Variants in TRPA1 observed in about 807,000 individuals in gnomAD.
The protein encoded by TRPA1 is ankyrin-like with transmembrane domains 1.
TRPA1 carries 129 observed loss-of-function variants against 131.3 expected under a neutral mutation model. The ratio of observed to expected loss-of-function variants is 0.98; its 90% CI spans 0.85 to 1.14. The LOEUF is 1.14. TRPA1 is among the 50% of genes most tolerant of loss of function. TRPA1 has a pLI of 0.00. For synonymous variants in TRPA1, 441 were observed against 451.7 expected (o/e 0.98, Z 0.30); for missense variants, 1,304 against 1,354.2 (o/e 0.96, Z 0.58).
chr8:72,043,017 C>T (rs1166721645), intron 17 of TRPA1, among the ~76,000 whole-genome samples: 1 of 151,860 alleles, frequency 6.6e-6, no homozygotes, highest in Non-Finnish European at 1.5e-5. Context: ...CACTACTGAA[C>T]TATGCATTTA....
At chr8:72,056,775 A>C (rs1805676737) in intron 10 of TRPA1, 142 bp downstream of exon 10, 6 of 674,118 alleles carry the variant, frequency 8.9e-6, no homozygotes, top group Non-Finnish European at 1.3e-5. Context: ...GTAACTAAAT[A>C]GTCAAATATG....
chr8:72,075,633 G>T (rs1312995657), upstream of TRPA1: 1 of 563,196 alleles, frequency 1.8e-6, no homozygotes, highest in East Asian at 3.0e-5. Flanking sequence ...AAGCAGGCGG[G>T]GCGCGGAGAG....
chr8:72,069,427 G>T (rs560471359), intron 2 of TRPA1, among the ~76,000 whole-genome samples: 1 of 152,218 alleles, frequency 6.6e-6, no homozygotes, highest in African/African-American at 2.4e-5. Context: ...ATTTCTATAG[G>T]TAGCATTAAT....
intron 24 of TRPA1, among the ~76,000 whole-genome samples, chr8:72,027,571 C>G (rs1007027309): frequency 8.5e-5 from 13 of 152,258 alleles, no homozygotes; most frequent in African/African-American, 3.1e-4. Flanking sequence ...ATAACACCTG[C>G]CCCTGAAGAA....
chr8:72,086,586 C>T, the TRPA1 span, among the ~76,000 whole-genome samples: 2 of 152,162 alleles, frequency 1.3e-5, no homozygotes, highest in South Asian at 2.1e-4. Context: ...GACGTTACTT[C>T]TTAATATCAA....
At position 72,071,817 on chromosome 8, in the gene TRPA1, C is replaced by A. The variant is rs767958267; in HGVS notation, c.162G>T (p.Lys54Asn). 2.5e-6 allele frequency: 4 copies of A among 1,612,770 alleles called. No individual in the cohort carries two copies. The highest frequency in any genetic ancestry group is 3.3e-5 in the Admixed American group (2 of 59,964). Residue 54 changes from lysine to asparagine, a missense_variant, in exon 2 of 27, where the codon AAG becomes AAT. Lys to Asn is a moderately conservative substitution (Grantham distance 94, BLOSUM62 0). Transcript: ENST00000262209. ...CCATATCGTCACATCTTTTTAATTTCTTTTGCTTATTAAAGTTTTGTAATC... is the reference window on the plus strand; with the variant it reads ...CCATATCGTCACATCTTTTTAATTTATTTTGCTTATTAAAGTTTTGTAATC... ...AYGLQNFNKQ[K>N]KLKRCDDMDT...
At chr8:72,039,080 C>G in intron 18 of TRPA1, 53 bp from the exon 19 acceptor site, 2 of 1,578,018 alleles carry the variant, frequency 1.3e-6, no homozygotes, top group Non-Finnish European at 1.7e-6. Flanking sequence ...AAAATATTTA[C>G]TTAAGATACC....
At chr8:72,057,899 C>G (rs1320988665) in intron 8 of TRPA1, 83 bp from the exon 9 acceptor site, 1 of 1,012,582 alleles carries the variant, frequency 9.9e-7, no homozygotes, top group African/African-American at 1.6e-5. Flanking sequence ...AATGGTAATT[C>G]ATTGATACAG....
intron 4 of TRPA1, 110 bp downstream of exon 4, chr8:72,065,340 AT>A (rs1563403088): frequency 4.8e-6 from 5 of 1,031,122 alleles, no homozygotes; most frequent in Non-Finnish European, 7.1e-6. Context: ...TAGTTTTTGT[AT>A]TTTATATTTT....
In TRPA1 at chr8:72,071,864, C is replaced by G. The variant is rs368493713; in HGVS notation, c.115G>C (p.Val39Leu). 1.2e-6 allele frequency: 2 copies of G among 1,611,442 alleles called. No homozygotes were observed. The highest frequency in any genetic ancestry group is 1.7e-6 in the Non-Finnish European group (2 of 1,179,682). ...AATCCATATGCACTTCCTTCAAAAA[C>G]CACCTAGAGGTATTTAAACACCATT... ...TEDFKESLKVVFEGSAYGLQN... is the reference protein window; with the variant it reads ...TEDFKESLKVLFEGSAYGLQN... The change falls in exon 2 of 27, where the codon GTT (valine) becomes CTT (leucine). Residue 39 changes from valine to leucine, a missense_variant. Coordinates refer to ENST00000262209, the MANE Select transcript of TRPA1 (RefSeq NM_007332.3).
At chr8:72,058,707 C>G (rs1444824125) in intron 8 of TRPA1, among the ~76,000 whole-genome samples, 1 of 152,122 alleles carries the variant, frequency 6.6e-6, no homozygotes, top group Non-Finnish European at 1.5e-5. Flanking sequence ...TATAATGAGT[C>G]TCCCCAGCAC....
chr8:72,037,287 G>GGT (rs1812087673), intron 20 of TRPA1, among the ~76,000 whole-genome samples: 1 of 151,986 alleles, frequency 6.6e-6, no homozygotes, highest in Non-Finnish European at 1.5e-5. Context: ...CAGAAAGTGA[G>GGT]GTGTTGTATA....
intron 23 of TRPA1, among the ~76,000 whole-genome samples, chr8:72,031,047 G>T (rs1811795774): frequency 6.6e-6 from 1 of 152,226 alleles, no homozygotes; most frequent in Non-Finnish European, 1.5e-5. Context: ...CAAGGGATCT[G>T]TCAAGGTCTC....
Position 72,062,921 on chromosome 8 carries a change from G to A in TRPA1, c.685C>T (p.Gln229Ter). Reference protein sequence around the residue: ...RFGEEHGYSRQLHINFMNNGK... With the variant: ...RFGEEHGYSR ...TTATTCATAAAGTTAATGTGCAACT[G>A]TCTACTGTACCCATGCTCTTCACCT... Residue 229 changes from glutamine (Q) to a stop codon, truncating the protein, a stop_gained, in exon 6 of 27, where the codon CAG becomes TAG. Transcript: ENST00000262209. LOFTEE classifies it high-confidence loss of function. The A allele has an allele frequency of 6.2e-7, 1 of 1,613,850 alleles. No homozygotes were observed. The highest frequency in any genetic ancestry group is 8.5e-7 in the Non-Finnish European group (1 of 1,179,928).
At chr8:72,025,135 T>TGTGC (rs1236471623) in intron 25 of TRPA1, among the ~76,000 whole-genome samples, 2 of 110,466 alleles carry the variant, frequency 1.8e-5, no homozygotes, top group African/African-American at 5.6e-5. Flanking sequence ...TGTGTGTGTG[T>TGTGC]GCGTGCTATG....
intron 12 of TRPA1, chr8:72,054,242 C>T (rs920700745): frequency 1.2e-5 from 3 of 259,714 alleles, no homozygotes; most frequent in Non-Finnish European, 2.2e-5. Flanking sequence ...TCAATGAACA[C>T]TGTATCAAAA....
rs1402017092 is a variant in TRPA1, at chr8:72,048,880, C to T, written c.1906-1673G>A. Among the ~76,000 whole-genome samples the T allele has an allele frequency of 2.0e-5, 3 of 152,026 alleles. No individual in the cohort carries two copies. In the East Asian group the frequency reaches 5.8e-4, roughly 29 times the overall value. ...TAATTTCGACTGTTTACTATGTTTC[C>T]ACATGTGAATATTTCAACATTGTTT... On this transcript the variant is annotated intron_variant, in intron 15 of 26. Coordinates refer to ENST00000262209, the MANE Select transcript of TRPA1 (RefSeq NM_007332.3).
At position 72,071,825 on chromosome 8, in the gene TRPA1, T is replaced by G; in HGVS notation, c.154A>C (p.Lys52Gln). The G allele has an allele frequency of 6.2e-7, 1 of 1,612,700 alleles. No individual in the cohort carries two copies. Among genetic ancestry groups the G allele is most frequent in the Non-Finnish European group, 8.5e-7 (1 of 1,179,776 alleles). ...TCACATCTTTTTAATTTCTTTTGCT[T>G]ATTAAAGTTTTGTAATCCATATGCA... ...GSAYGLQNFN[K>Q]QKKLKRCDDM... Residue 52 changes from lysine (K) to glutamine (Q), a missense_variant, in exon 2 of 27, where the codon AAG becomes CAG. Physicochemically the swap from Lys to Gln is moderately conservative, Grantham distance 53. Transcript: ENST00000262209.
At position 72,050,885 on chromosome 8, in the gene TRPA1, ATAAG is replaced by A. The variant is rs764071189; in HGVS notation, c.1812-18_1812-15del. On this transcript the variant is annotated splice_polypyrimidine_tract_variant and intron_variant, in intron 14 of 26. Transcript: ENST00000262209. ...CATTCATCCCATCTGTAAAAAATAA[ATAAG>A]TAAGATAAGCACAGGTCTTCATCCT... The A allele has an allele frequency of 4.6e-6, 7 of 1,531,446 alleles. No individual in the cohort carries two copies. The highest frequency in any genetic ancestry group is 4.5e-5 in the East Asian group (2 of 44,452). 94.9% of individuals were successfully genotyped at this position (1,531,446 alleles called of 1,614,324 possible). A position where few individuals can be genotyped will look rare whatever the true frequency, so the allele number is the denominator to read the frequency against.
Sources: gnomAD v4.1 joint callset for allele counts (sites outside exome capture counted in the v4.1 genomes callset) on GRCh38, gnomAD v4.1.1 for gene constraint, MANE v1.5 for transcripts, NCBI Gene and HGNC (gene_info 2026-07-23, HGNC 2026-07-21) for gene names.